The following DLGAP2 variants were observed in gnomAD, a reference collection of about 807,000 sequenced individuals.
DLGAP2 encodes the protein DLG associated protein 2.
Under a neutral mutation model 100.3 loss-of-function variants are expected in DLGAP2, and 26 were observed. The observed-to-expected ratio is 0.26, with a 90% CI of 0.19 to 0.36. DLGAP2 has a LOEUF of 0.36. DLGAP2 is among the 10% of genes least tolerant of loss of function. The pLI, the probability that DLGAP2 is intolerant of heterozygous loss-of-function variation, is 1.00. For missense variants in DLGAP2, 1,858 were observed against 1,453.2 expected (o/e 1.28, Z -4.53); for synonymous variants, 886 against 630.1 (o/e 1.41, Z -6.08).
At chr8:1,123,029 T>G (rs1796085771) in intron 2 of DLGAP2, among the ~76,000 whole-genome samples, 1 of 152,220 alleles carries the variant, frequency 6.6e-6, no homozygotes, top group African/African-American at 2.4e-5. Context: ...TCAAATCTTT[T>G]ATACAAACTG....
intron 2 of DLGAP2, among the ~76,000 whole-genome samples, chr8:1,169,914 A>G (rs1002485548): frequency 1.3e-5 from 2 of 151,956 alleles, no homozygotes; most frequent in African/African-American, 4.8e-5. Flanking sequence ...AACTTCCAAC[A>G]CTAGGTTGAA....
chr8:906,043 C>T (rs76815087), intron 1 of DLGAP2, among the ~76,000 whole-genome samples: 6,377 of 152,320 alleles, frequency 0.042, 189 homozygotes, highest in African/African-American at 0.079. Context: ...AGCTAACCGT[C>T]GGTGCTGGGG....
intron 10 of DLGAP2, among the ~76,000 whole-genome samples, chr8:1,671,632 T>C (rs1798693064): frequency 6.6e-6 from 1 of 152,260 alleles, no homozygotes; most frequent in Non-Finnish European, 1.5e-5. Context: ...TTATAATTAC[T>C]GGGCTACGTC....
chr8:1,077,999 G>A (rs1462189226), intron 2 of DLGAP2, among the ~76,000 whole-genome samples: 3 of 152,180 alleles, frequency 2.0e-5, no homozygotes, highest in Non-Finnish European at 4.4e-5. Flanking sequence ...GCTGTTGCCA[G>A]CTCTACAATA....
chr8:1,056,337 G>A (rs1802883059), intron 2 of DLGAP2, among the ~76,000 whole-genome samples: 1 of 152,112 alleles, frequency 6.6e-6, no homozygotes, highest in South Asian at 2.1e-4. Context: ...ATGTGGTGGA[G>A]GGTGGAATTC....
intron 3 of DLGAP2, among the ~76,000 whole-genome samples, chr8:1,485,774 C>T (rs1799220848): frequency 6.6e-6 from 1 of 152,196 alleles, no homozygotes; most frequent in African/African-American, 2.4e-5. Flanking sequence ...CTTGTAATCC[C>T]AGCACTTTGG....
chr8:1,324,305 C>G (rs966615178), intron 3 of DLGAP2, among the ~76,000 whole-genome samples: 1 of 152,138 alleles, frequency 6.6e-6, no homozygotes, highest in Non-Finnish European at 1.5e-5. Context: ...CCATTTTGTC[C>G]CAGAGAGCAC....
At chr8:1,182,665 G>A (rs540170851) in intron 2 of DLGAP2, among the ~76,000 whole-genome samples, 2 of 152,330 alleles carry the variant, frequency 1.3e-5, no homozygotes, top group Admixed American at 6.5e-5. Context: ...GGTGAGTTGG[G>A]CATTGAGCTG....
intron 3 of DLGAP2, among the ~76,000 whole-genome samples, chr8:1,286,732 C>T (rs1389986378): frequency 6.6e-6 from 1 of 152,180 alleles, no homozygotes; most frequent in African/African-American, 2.4e-5. Context: ...AGTGTTAATC[C>T]ACACTTATCT....
At chr8:1,532,591 C>G (rs926929733) in intron 4 of DLGAP2, among the ~76,000 whole-genome samples, 4 of 152,300 alleles carry the variant, frequency 2.6e-5, no homozygotes, top group African/African-American at 9.6e-5. Context: ...TAAATGCCCT[C>G]AAATAATCAA....
chr8:1,619,321 C>A (rs1460204760), intron 6 of DLGAP2, among the ~76,000 whole-genome samples: 1 of 152,184 alleles, frequency 6.6e-6, no homozygotes, highest in Admixed American at 6.5e-5. Flanking sequence ...AATGACAATA[C>A]AACATGCCCA....
chr8:915,800 T>C (rs1798580329), intron 2 of DLGAP2, among the ~76,000 whole-genome samples: 2 of 151,748 alleles, frequency 1.3e-5, no homozygotes, highest in African/African-American at 4.8e-5. Flanking sequence ...GTGTTAACCA[T>C]GAGTCCTCCT....
chr8:1,206,199 C>G (rs1048018272), intron 2 of DLGAP2, among the ~76,000 whole-genome samples: 1 of 152,178 alleles, frequency 6.6e-6, no homozygotes, highest in Non-Finnish European at 1.5e-5. Context: ...TGCCAGGCTG[C>G]TTGATGTTGG....
At chr8:1,040,118 G>GGCTCGGTGTGCGTGGTCA (rs1369223437) in intron 2 of DLGAP2, among the ~76,000 whole-genome samples, 1 of 121,296 alleles carries the variant, frequency 8.2e-6, no homozygotes, top group South Asian at 2.9e-4. Context: ...GTGCGTGGTC[G>GGCTCGGTGTGCGTGGTCA]GCTCGGTGTG....
Position 1,369,808 on chromosome 8 carries a change from G to C in DLGAP2, c.106+110925G>C, listed in dbSNP as rs141029912. 151 of 152,396 alleles carry C rather than the reference G, an allele frequency of 9.9e-4. 3 individuals are homozygous for C. Among genetic ancestry groups the C allele is most frequent in the African/African-American group, 3.5e-3 (145 of 41,594 alleles). The allele number at this position is 152,396 out of a possible 1,614,324, so 9.4% of individuals were successfully genotyped here. On this transcript the variant is annotated intron_variant, in intron 3 of 14. Coordinates refer to ENST00000637795, the MANE Select transcript of DLGAP2 (RefSeq NM_001346810.2). ...AGCAGTGATGTAGGAAAATGCCGTG[G>C]TTCTCTGATGCTCTCACGGATCCAC...
chr8:1,206,642 C>G (rs1798000735), intron 2 of DLGAP2, among the ~76,000 whole-genome samples: 1 of 90,412 alleles, frequency 1.1e-5, no homozygotes, highest in Non-Finnish European at 2.1e-5. Flanking sequence ...CGGTTAATCT[C>G]CAGCCATCCG....
intron 2 of DLGAP2, among the ~76,000 whole-genome samples, chr8:1,111,803 T>C (rs569601508): frequency 2.1e-4 from 32 of 152,368 alleles, no homozygotes; most frequent in African/African-American, 7.2e-4. Context: ...ATTCAGTCTG[T>C]CATTGCTGGG....
At chr8:1,565,657 C>T (rs762893654) in intron 5 of DLGAP2, 26 bp from the exon 6 acceptor site, 32 of 1,581,548 alleles carry the variant, frequency 2.0e-5, no homozygotes, top group Middle Eastern at 1.7e-4. Flanking sequence ...AAAGTTGATG[C>T]GTGTTTCATG....
At chr8:1,512,509 C>T (rs1054700362) in intron 4 of DLGAP2, among the ~76,000 whole-genome samples, 5 of 152,104 alleles carry the variant, frequency 3.3e-5, no homozygotes, top group African/African-American at 1.2e-4. Flanking sequence ...AAAATCACAG[C>T]CCAGAAGACC....
Sources: allele counts gnomAD v4.1 joint callset (sites outside exome capture counted in the v4.1 genomes callset), GRCh38; gene constraint gnomAD v4.1.1; transcripts MANE v1.5; gene names NCBI Gene and HGNC (gene_info 2026-07-23, HGNC 2026-07-21).